The following PLB1 variants were observed in gnomAD, a reference collection of about 807,000 sequenced individuals.
PLB1 encodes the protein phospholipase B1, membrane-associated.
In PLB1, 242 loss-of-function variants were observed where a neutral mutation model predicts 227.4. The observed-to-expected ratio is 1.06, with a 90% CI of 0.96 to 1.18. The LOEUF is 1.18. PLB1 is among the 50% of genes most tolerant of loss of function. PLB1 has a pLI of 0.00. For synonymous variants in PLB1, 757 were observed against 682.2 expected (o/e 1.11, Z -1.71); for missense variants, 1,858 against 1,816.3 (o/e 1.02, Z -0.42).
intron 33 of PLB1, chr2:28,594,081 C>T (rs4665429): frequency 0.65 from 412,825 of 635,020 alleles, 139,571 homozygotes; most frequent in Non-Finnish European, 0.72. Context: ...TGCATGTATA[C>T]GTGTACACGT....
chr2:28,548,085 G>T (rs1330970343), intron 14 of PLB1, among the ~76,000 whole-genome samples: 1 of 152,020 alleles, frequency 6.6e-6, no homozygotes, highest in Non-Finnish European at 1.5e-5. Context: ...CTAGCGGTTT[G>T]TGAGTGTTGG....
Position 28,529,737 on chromosome 2 carries a change from G to A in PLB1, c.426G>A (p.Trp142Ter). 1 of 1,614,118 alleles carries A rather than the reference G, an allele frequency of 6.2e-7. No individual in the cohort carries two copies. Among genetic ancestry groups the A allele is most frequent in the Non-Finnish European group, 8.5e-7 (1 of 1,179,996 alleles). The change falls in exon 8 of 58, where the codon TGG becomes TGA. Residue 142 changes from tryptophan (W) to a stop codon, truncating the protein, a stop_gained. Coordinates refer to ENST00000327757, the MANE Select transcript of PLB1 (RefSeq NM_153021.5). LOFTEE classifies it high-confidence loss of function. Reference protein sequence around the residue: ...VIPHDGAEDLWIQAQELVRNM... With the variant: ...VIPHDGAEDL ...CCCTCCCTCTGCACAGAGACTTGTG[G>A]ATTCAGGCTCAAGAACTGGTGAGAA...
At chr2:28,584,974 CAG>C (rs538494035) in intron 25 of PLB1, among the ~76,000 whole-genome samples, 44 of 152,316 alleles carry the variant, frequency 2.9e-4, no homozygotes, top group Admixed American at 2.7e-3. Flanking sequence ...ATCTCTAAAA[CAG>C]GGATAATGAG....
intron 6 of PLB1, among the ~76,000 whole-genome samples, chr2:28,528,925 G>A (rs1670632655): frequency 6.7e-6 from 1 of 149,638 alleles, no homozygotes; most frequent in African/African-American, 2.5e-5. Flanking sequence ...GCTCACCCTA[G>A]AGGAAGGGAG....
intron 1 of PLB1, among the ~76,000 whole-genome samples, chr2:28,506,749 A>G (rs1667675914): frequency 6.6e-6 from 1 of 152,186 alleles, no homozygotes; most frequent in Non-Finnish European, 1.5e-5. Flanking sequence ...AGCTCCAGAC[A>G]TAAAAGGTCA....
At chr2:28,550,593 T>C (rs1204175859) in intron 16 of PLB1, among the ~76,000 whole-genome samples, 1 of 142,802 alleles carries the variant, frequency 7.0e-6, no homozygotes, top group Non-Finnish European at 1.5e-5. Context: ...CAGGCTGGAG[T>C]GCAATGGTGT....
chr2:28,566,371 T>A (rs1676903570), intron 19 of PLB1: 1 of 160,768 alleles, frequency 6.2e-6, no homozygotes, highest in African/African-American at 2.4e-5. Context: ...GATGGCTGAC[T>A]CTCTAGAAGA....
At position 28,629,090 on chromosome 2, in the gene PLB1, G is replaced by T; in HGVS notation, c.3727-4G>T. The T allele has an allele frequency of 6.2e-7, 1 of 1,613,164 alleles. No homozygotes were observed. The highest frequency in any genetic ancestry group is 8.5e-7 in the Non-Finnish European group (1 of 1,179,510). On this transcript the variant is annotated splice_region_variant and splice_polypyrimidine_tract_variant and intron_variant, in intron 52 of 57. Transcript: ENST00000327757. The stretch of plus-strand genomic sequence containing the variant: ...CTAACGAAACCACCCTCCACTCCCT[G>T]CAGCTCCCAAGGGCTTTCGTCAACG...
At chr2:28,518,558 GA>G in intron 3 of PLB1, 26 bp downstream of exon 3, 1 of 1,574,370 alleles carries the variant, frequency 6.4e-7, no homozygotes, top group Non-Finnish European at 8.7e-7. Flanking sequence ...CCATGAGCAG[GA>G]AAAGCCTGGC....
chr2:28,543,494 G>GTCTC (rs1323662219), intron 14 of PLB1, among the ~76,000 whole-genome samples: 1 of 152,230 alleles, frequency 6.6e-6, no homozygotes, highest in African/African-American at 2.4e-5. Context: ...AGCAGCAAAG[G>GTCTC]TCTCACAGGA....
At chr2:28,612,963 A>C (rs1220661973) in intron 43 of PLB1, among the ~76,000 whole-genome samples, 1 of 150,828 alleles carries the variant, frequency 6.6e-6, no homozygotes, top group Non-Finnish European at 1.5e-5. Flanking sequence ...TCTGTTGCCC[A>C]GGCTGGAGTG....
chr2:28,560,186 T>C (rs1269085312), intron 17 of PLB1, among the ~76,000 whole-genome samples: 1 of 152,168 alleles, frequency 6.6e-6, no homozygotes, highest in Non-Finnish European at 1.5e-5. Context: ...ACTAGGCTTC[T>C]TCCAAACCAC....
chr2:28,543,778 G>T (rs2148212163), intron 14 of PLB1, among the ~76,000 whole-genome samples: 1 of 152,310 alleles, frequency 6.6e-6, no homozygotes, highest in Non-Finnish European at 1.5e-5. Flanking sequence ...ATCCAGGTCA[G>T]CCCCTGGCCC....
In PLB1 at chr2:28,591,073, G is replaced by T. The variant is rs1573237218; in HGVS notation, c.2089-60G>T. 4 of 1,603,004 alleles carry T rather than the reference G, an allele frequency of 2.5e-6. No individual in the cohort carries two copies. In the East Asian group the frequency reaches 8.9e-5, roughly 36 times the overall value. On this transcript the variant is annotated intron_variant, in intron 29 of 57. Coordinates refer to ENST00000327757, the MANE Select transcript of PLB1 (RefSeq NM_153021.5). ...GTGCCAGGCCGACACTTAACTGAGT[G>T]CTGACAAGCAGAGAAGTGAGCAGAA...
At chr2:28,526,104 G>T (rs1670225859) in intron 6 of PLB1, among the ~76,000 whole-genome samples, 159 bp downstream of exon 6, 2 of 152,166 alleles carry the variant, frequency 1.3e-5, no homozygotes. Flanking sequence ...AGGAAGCCAG[G>T]ATATGAAAAA....
At chr2:28,640,837 A>C in intron 56 of PLB1, 90 bp from the exon 57 acceptor site, 1 of 1,335,654 alleles carries the variant, frequency 7.5e-7, no homozygotes, top group Non-Finnish European at 1.0e-6. Flanking sequence ...CCCGTTCCCG[A>C]GGGAGGGGCT....
intron 54 of PLB1, 102 bp downstream of exon 54, chr2:28,630,766 C>G (rs1688509332): frequency 1.1e-6 from 1 of 943,588 alleles, no homozygotes; most frequent in South Asian, 1.6e-5. Context: ...AAGAGCAAGC[C>G]ACTCCCTAAA....
intron 6 of PLB1, among the ~76,000 whole-genome samples, chr2:28,528,876 G>A (rs1670626140): frequency 6.6e-6 from 1 of 151,830 alleles, no homozygotes; most frequent in African/African-American, 2.4e-5. Flanking sequence ...AGGGTGTGAG[G>A]AAGGACCATG....
chr2:28,629,056 GC>G, intron 52 of PLB1, 37 bp from the exon 53 acceptor site: 1 of 1,576,270 alleles, frequency 6.3e-7, no homozygotes, highest in Non-Finnish European at 8.7e-7. Flanking sequence ...CCCAGCAGTA[GC>G]CAGTGCCCTA....
Sources: allele counts gnomAD v4.1 joint callset (sites outside exome capture counted in the v4.1 genomes callset), GRCh38; gene constraint gnomAD v4.1.1; transcripts MANE v1.5; gene names NCBI Gene and HGNC (gene_info 2026-07-23, HGNC 2026-07-21).